ARMC9: variants seen among roughly 807,000 people sequenced by gnomAD.
The protein encoded by ARMC9 is armadillo repeat containing 9, also known as lisH domain-containing protein ARMC9.
A neutral mutation model predicts 107.0 loss-of-function variants in ARMC9; 94 were observed. That is an observed-to-expected ratio of 0.88 (90% CI 0.74 to 1.04). The LOEUF is 1.04. Ranked by LOEUF, ARMC9 falls within the 50% of genes least tolerant of loss-of-function variation. The pLI, the probability that ARMC9 is intolerant of heterozygous loss-of-function variation, is 0.00. For missense variants in ARMC9, 942 were observed against 1,030.1 expected (o/e 0.91, Z 1.17); for synonymous variants, 380 against 396.9 (o/e 0.96, Z 0.51).
intron 20 of ARMC9, among the ~76,000 whole-genome samples, chr2:231,337,555 C>T (rs1330725826): frequency 1.4e-5 from 2 of 139,102 alleles, no homozygotes; most frequent in Admixed American, 7.0e-5. Context: ...CTGCAAGCTC[C>T]ACCTCCCGGG....
intron 7 of ARMC9, among the ~76,000 whole-genome samples, chr2:231,233,724 C>T (rs1301309602): frequency 2.0e-5 from 3 of 151,518 alleles, no homozygotes; most frequent in Non-Finnish European, 4.4e-5. Flanking sequence ...TGCAGTGAGC[C>T]GAGATCACGC....
intron 24 of ARMC9, 82 bp downstream of exon 24, chr2:231,370,207 GC>G: frequency 1.4e-6 from 2 of 1,402,408 alleles, no homozygotes; most frequent in African/African-American, 1.4e-5. Flanking sequence ...GCTATATTTG[GC>G]CCCGTGCTCC....
At chr2:231,359,978 C>G (rs2045501439) in intron 22 of ARMC9, among the ~76,000 whole-genome samples, 1 of 152,138 alleles carries the variant, frequency 6.6e-6, no homozygotes, top group African/African-American at 2.4e-5. Context: ...GGAGCTTGGC[C>G]TAAGGGAGTC....
At chr2:231,205,314 G>T (rs2031800975) in intron 1 of ARMC9, among the ~76,000 whole-genome samples, 1 of 152,022 alleles carries the variant, frequency 6.6e-6, no homozygotes, top group Non-Finnish European at 1.5e-5. Flanking sequence ...AGCTTGCAGT[G>T]AGCTATGATT....
chr2:231,365,278 G>A (rs12478052), intron 23 of ARMC9, among the ~76,000 whole-genome samples: 6,386 of 152,296 alleles, frequency 0.042, 170 homozygotes, highest in Non-Finnish European at 0.059. Context: ...GGAAAGTTGG[G>A]AGGTGCTCTG....
rs978929366 is a variant in ARMC9, at chr2:231,370,312, C to T, written c.2434+187C>T. On this transcript the variant is annotated intron_variant, in intron 24 of 24. Coordinates refer to ENST00000611582, the MANE Select transcript of ARMC9 (RefSeq NM_001352754.2). The stretch of plus-strand genomic sequence containing the variant: ...AGGTGGCTTCCTTTCCTCCAGGGAC[C>T]GGTTCTGCATGAATCTTCCTTCCTA... Among the ~76,000 whole-genome samples, 9 of 152,328 alleles carry T rather than the reference C, an allele frequency of 5.9e-5. No individual in the cohort carries two copies. The South Asian group carries it at 8.3e-4, about 14-fold the overall frequency.
chr2:231,292,647 G>A (rs73096147), intron 18 of ARMC9, among the ~76,000 whole-genome samples: 3,410 of 152,242 alleles, frequency 0.022, 125 homozygotes, highest in African/African-American at 0.077. Flanking sequence ...TCATTCACCT[G>A]CCAGAGGTAC....
chr2:231,331,308 A>G (rs887160228), intron 19 of ARMC9, among the ~76,000 whole-genome samples: 8 of 152,166 alleles, frequency 5.3e-5, no homozygotes, highest in African/African-American at 1.9e-4. Context: ...ATGGAAAGGA[A>G]CATCCACTGG....
chr2:231,280,589 T>C (rs936595341), intron 16 of ARMC9, among the ~76,000 whole-genome samples: 20 of 152,210 alleles, frequency 1.3e-4, no homozygotes, highest in African/African-American at 4.3e-4. Context: ...GTAGTAGTCA[T>C]GATCTTGAAA....
chr2:231,231,307 A>G (rs1209076258), intron 7 of ARMC9, among the ~76,000 whole-genome samples: 1 of 152,218 alleles, frequency 6.6e-6, no homozygotes, highest in Non-Finnish European at 1.5e-5. Context: ...GGGATTATGA[A>G]TAGTATTCTG....
intron 19 of ARMC9, among the ~76,000 whole-genome samples, chr2:231,326,105 A>G (rs1389457268): frequency 1.3e-5 from 2 of 152,148 alleles, no homozygotes; most frequent in Non-Finnish European, 2.9e-5. Flanking sequence ...GCAGGGACCC[A>G]AGCTGTCCAG....
At chr2:231,201,258 C>T (rs2030902800) in intron 1 of ARMC9, among the ~76,000 whole-genome samples, 1 of 152,230 alleles carries the variant, frequency 6.6e-6, no homozygotes, top group African/African-American at 2.4e-5. Context: ...ACTACCCACT[C>T]CTTCACAAAC....
In ARMC9 at chr2:231,291,366, T is replaced by A; in HGVS notation, c.1640T>A (p.Ile547Asn). The A allele has an allele frequency of 6.2e-7, 1 of 1,613,542 alleles. No individual in the cohort carries two copies. Among genetic ancestry groups the A allele is most frequent in the Non-Finnish European group, 8.5e-7 (1 of 1,179,632 alleles). Reference protein sequence around the residue: ...EEARAMGMEDILRCFIKEGNA... With the variant: ...EEARAMGMEDNLRCFIKEGNA... ...CAATACTTCTAGGGAATGGAAGACA[T>A]CCTACGCTGCTTCATCAAAGAAGGC... Residue 547 changes from isoleucine (I) to asparagine (N), a missense_variant, in exon 18 of 25, where the codon ATC becomes AAC. Ile to Asn is a moderately radical substitution (Grantham distance 149, BLOSUM62 -3). Coordinates refer to ENST00000611582, the MANE Select transcript of ARMC9 (RefSeq NM_001352754.2).
intron 19 of ARMC9, among the ~76,000 whole-genome samples, chr2:231,321,968 A>G (rs971079225): frequency 7.9e-5 from 12 of 152,244 alleles, no homozygotes; most frequent in Admixed American, 2.0e-4. Flanking sequence ...CTTAGAGTAC[A>G]GAAAAAGTTT....
At chr2:231,279,302 T>C (rs1031517839) in intron 16 of ARMC9, among the ~76,000 whole-genome samples, 1 of 152,106 alleles carries the variant, frequency 6.6e-6, no homozygotes, top group African/African-American at 2.4e-5. Context: ...GGTAAACAAA[T>C]TAACAAAAAC....
At chr2:231,261,590 C>T (rs1264954157) in intron 11 of ARMC9, among the ~76,000 whole-genome samples, 7 of 152,192 alleles carry the variant, frequency 4.6e-5, no homozygotes, top group Non-Finnish European at 7.3e-5. Context: ...CTTTCCTGAG[C>T]TAGACCTCAC....
At chr2:231,266,669 T>C (rs1392914172) in intron 12 of ARMC9, among the ~76,000 whole-genome samples, 1 of 152,252 alleles carries the variant, frequency 6.6e-6, no homozygotes, top group East Asian at 1.9e-4. Context: ...TGATTGTGAC[T>C]ACTCCAAATA....
At chr2:231,226,824 C>T in intron 7 of ARMC9, 26 bp downstream of exon 7, 3 of 1,607,814 alleles carry the variant, frequency 1.9e-6, no homozygotes, top group Non-Finnish European at 2.6e-6. Context: ...TTAAATTTGT[C>T]TAAGAACAAC....
chr2:231,268,171 T>C (rs373881721), intron 12 of ARMC9, among the ~76,000 whole-genome samples: 5 of 152,350 alleles, frequency 3.3e-5, no homozygotes, highest in African/African-American at 1.2e-4. Flanking sequence ...TCTATGATGT[T>C]AGAAGCCAGG....
Sources: gnomAD v4.1 joint callset for allele counts (sites outside exome capture counted in the v4.1 genomes callset) on GRCh38, gnomAD v4.1.1 for gene constraint, MANE v1.5 for transcripts, NCBI Gene and HGNC (gene_info 2026-07-23, HGNC 2026-07-21) for gene names.